The following BLTP1 variants were observed in gnomAD, a reference collection of about 807,000 sequenced individuals.
BLTP1 encodes the protein bridge-like lipid transfer protein family member 1, also known as fragile site-associated protein.
At chr4:122,291,786 A>T in the BLTP1 span, 1 of 974,340 alleles carries the variant, frequency 1.0e-6, no homozygotes, top group Non-Finnish European at 1.2e-6. Flanking sequence ...AATGCAAATA[A>T]TATAATAGCG....
chr4:122,249,210 A>C, the BLTP1 span: 1 of 601,988 alleles, frequency 1.7e-6, no homozygotes, highest in Non-Finnish European at 2.1e-6. Context: ...ATTATTTAGG[A>C]TATTTTTAAC....
the BLTP1 span, chr4:122,254,723 A>G: frequency 1.6e-4 from 209 of 1,320,162 alleles, no homozygotes; most frequent in Non-Finnish European, 1.9e-4. Context: ...TAAAACAACC[A>G]CTAAGTACAG....
chr4:122,163,915 C>T, the BLTP1 span, among the ~76,000 whole-genome samples: 2 of 152,172 alleles, frequency 1.3e-5, no homozygotes, highest in African/African-American at 4.8e-5. Context: ...TTCCCCTAAT[C>T]TCTTTTGTTT....
the BLTP1 span, among the ~76,000 whole-genome samples, chr4:122,253,938 TA>T: frequency 6.6e-6 from 1 of 152,150 alleles, no homozygotes; most frequent in African/African-American, 2.4e-5. Flanking sequence ...GGAGCTCTGA[TA>T]AAACTGGCAG....
the BLTP1 span, among the ~76,000 whole-genome samples, chr4:122,182,124 A>G: frequency 2.0e-5 from 3 of 152,206 alleles, no homozygotes; most frequent in East Asian, 3.8e-4. Flanking sequence ...TAATATTTCT[A>G]TTCTAGATTA....
chr4:122,250,417 T>C, the BLTP1 span: 1 of 1,613,822 alleles, frequency 6.2e-7, no homozygotes, highest in Non-Finnish European at 8.5e-7. Flanking sequence ...TGGGTAAAGC[T>C]AGTGACACAG....
At chr4:122,277,794 T>G in the BLTP1 span, 1 of 854,704 alleles carries the variant, frequency 1.2e-6, no homozygotes, top group Non-Finnish European at 1.4e-6. Context: ...AATTAGATTT[T>G]AAGAAGTATA....
the BLTP1 span, among the ~76,000 whole-genome samples, chr4:122,157,336 A>G: frequency 6.6e-6 from 1 of 152,120 alleles, no homozygotes; most frequent in Admixed American, 6.5e-5. Flanking sequence ...GACTTTAGTT[A>G]TCTAGGGTAG....
chr4:122,282,745 C>G, the BLTP1 span, among the ~76,000 whole-genome samples: 281 of 152,230 alleles, frequency 1.8e-3, no homozygotes, highest in African/African-American at 6.5e-3. Context: ...TATGTATATA[C>G]TCATAAATGA....
At chr4:122,219,354 G>C in the BLTP1 span, 1 of 1,612,982 alleles carries the variant, frequency 6.2e-7, no homozygotes, top group Non-Finnish European at 8.5e-7. Context: ...ACTACTTTGG[G>C]GAAGATGACA....
the BLTP1 span, chr4:122,225,074 T>C: frequency 2.2e-6 from 2 of 893,004 alleles, no homozygotes; most frequent in Non-Finnish European, 2.7e-6. Flanking sequence ...TTTTCTTACA[T>C]ATGTTTAAAG....
At chr4:122,202,309 G>A in the BLTP1 span, among the ~76,000 whole-genome samples, 1 of 152,044 alleles carries the variant, frequency 6.6e-6, no homozygotes. Context: ...AAAAATTATA[G>A]CTAAAACTTA....
chr4:122,271,597 A>C, the BLTP1 span: 1 of 1,613,598 alleles, frequency 6.2e-7, no homozygotes, highest in South Asian at 1.1e-5. Context: ...ATTCAATTAC[A>C]GTGTCAGAAC....
chr4:122,250,618 TAAC>T, the BLTP1 span: 1 of 1,569,918 alleles, frequency 6.4e-7, no homozygotes, highest in Non-Finnish European at 8.7e-7. Context: ...TTTAGAAAAA[TAAC>T]AAAGAAAACT....
At chr4:122,228,934 T>C in the BLTP1 span, 2 of 185,474 alleles carry the variant, frequency 1.1e-5, no homozygotes, top group Non-Finnish European at 2.0e-5. Flanking sequence ...TTCTAACGTA[T>C]AGTTTTCTAA....
chr4:122,207,204 A>G, the BLTP1 span: 1 of 1,612,268 alleles, frequency 6.2e-7, no homozygotes, highest in Non-Finnish European at 8.5e-7. Context: ...ATCAGTTTGA[A>G]ATGATTTGGG....
chr4:122,279,421 G>A, the BLTP1 span, among the ~76,000 whole-genome samples: 81 of 152,238 alleles, frequency 5.3e-4, no homozygotes, highest in African/African-American at 1.9e-3. Context: ...TTTTTATAAA[G>A]CATCAATGAT....
the BLTP1 span, chr4:122,227,486 C>T: frequency 1.0e-6 from 1 of 985,140 alleles, no homozygotes; most frequent in Non-Finnish European, 1.2e-6. Context: ...ATGGTTATTT[C>T]AGAAAATCTG....
the BLTP1 span, chr4:122,175,192 A>G: frequency 3.0e-6 from 3 of 984,794 alleles, no homozygotes; most frequent in Non-Finnish European, 1.2e-6. Flanking sequence ...GTAGAATTCA[A>G]AAGTTTTGAA....
Sources: gnomAD v4.1 joint callset for allele counts (sites outside exome capture counted in the v4.1 genomes callset) on GRCh38, gnomAD v4.1.1 for gene constraint, MANE v1.5 for transcripts, NCBI Gene and HGNC (gene_info 2026-07-23, HGNC 2026-07-21) for gene names.